The following ANKAR variants were observed in gnomAD, a reference collection of about 807,000 sequenced individuals.
The protein encoded by ANKAR is ankyrin and armadillo repeat-containing protein.
ANKAR carries 136 observed loss-of-function variants against 146.2 expected under a neutral mutation model. The observed-to-expected ratio is 0.93, with a 90% CI of 0.81 to 1.07. ANKAR has a LOEUF of 1.07. Among genes scored for constraint, ANKAR ranks in the 50% least tolerant of loss-of-function variants. The probability of loss-of-function intolerance (pLI) is 0.00; values close to 1 mark genes in which losing one functional copy is unlikely to be tolerated. For synonymous variants in ANKAR, 500 were observed against 575.8 expected, an observed-to-expected ratio of 0.87 and a Z score of 1.88; for missense variants, 1,567 against 1,679.9, an observed-to-expected ratio of 0.93 and a Z score of 1.18.
Position 189,730,495 on chromosome 2 carries a change from G to T in ANKAR, c.3194G>T (p.Gly1065Val). ...ACCTCACTGGCGTGGACTCTTACAG[G>T]TGTAGCCCATACAAGCAATCCTGTC... ...VIRAVGSICI[G>V]VAHTSNPVSQ... The change falls in exon 16 of 23, where the codon GGT (glycine) becomes GTT (valine). Residue 1065 changes from glycine (G) to valine (V), a missense_variant and splice_region_variant. Coordinates refer to ENST00000684021, the MANE Select transcript of ANKAR (RefSeq NM_001378068.1). 1 of 1,584,506 alleles carries T rather than the reference G, an allele frequency of 6.3e-7. No individual in the cohort carries two copies. The highest frequency in any genetic ancestry group is 8.6e-7 in the Non-Finnish European group (1 of 1,158,696).
chr2:189,725,319 T>C (rs1200915530), intron 12 of ANKAR, among the ~76,000 whole-genome samples: 6 of 141,022 alleles, frequency 4.3e-5, no homozygotes, highest in South Asian at 4.6e-4. Context: ...CACACACATA[T>C]ATATGATCCA....
At chr2:189,760,015 C>T (rs565980858) in intron 18 of ANKAR, among the ~76,000 whole-genome samples, 39 of 152,102 alleles carry the variant, frequency 2.6e-4, no homozygotes, top group Admixed American at 1.4e-3. Context: ...CTTGCACCGC[C>T]CTTAATCCAT....
intron 4 of ANKAR, 128 bp from the exon 5 acceptor site, chr2:189,692,946 A>C (rs955926554): frequency 4.0e-6 from 2 of 494,678 alleles, no homozygotes; most frequent in Admixed American, 4.2e-5. Flanking sequence ...TTCAGCTGCT[A>C]TCCGGGTCTT....
intron 18 of ANKAR, among the ~76,000 whole-genome samples, chr2:189,756,522 T>A (rs1198659866): frequency 2.6e-5 from 4 of 152,222 alleles, no homozygotes; most frequent in African/African-American, 9.6e-5. Flanking sequence ...AATTAAAATA[T>A]TGTTTCAGGC....
intron 15 of ANKAR, among the ~76,000 whole-genome samples, chr2:189,729,989 A>AG (rs1484070221): frequency 6.6e-6 from 1 of 152,076 alleles, no homozygotes; most frequent in Non-Finnish European, 1.5e-5. Flanking sequence ...GAAAAAAAAA[A>AG]AGAGAGAGTT....
chr2:189,710,506 A>T (rs2039541074), intron 9 of ANKAR, among the ~76,000 whole-genome samples: 2 of 152,234 alleles, frequency 1.3e-5, no homozygotes, highest in Admixed American at 6.5e-5. Context: ...CAGACCAAAG[A>T]TTAAAAATTT....
chr2:189,761,311 A>C (rs1299907510), downstream of ANKAR: 26 of 1,204,692 alleles, frequency 2.2e-5, no homozygotes, highest in Non-Finnish European at 1.6e-5. Context: ...AAGTGTTTGC[A>C]AAAAGGAATA....
Position 189,737,706 on chromosome 2 carries a change from T to C in ANKAR, c.3447T>C (p.Tyr1149=). 1.3e-6 allele frequency: 2 copies of C among 1,595,962 alleles called. No homozygotes were observed. Among genetic ancestry groups the C allele is most frequent in the Non-Finnish European group, 1.7e-6 (2 of 1,175,490 alleles). The change falls in exon 18 of 23, where the codon TAT becomes TAC. Residue 1149 remains tyrosine (Y), a synonymous_variant. Coordinates refer to ENST00000684021, the MANE Select transcript of ANKAR (RefSeq NM_001378068.1). ...TEKDICLRAG[Y]ALTLFAFNNR... ...AGGATATTTGCTTAAGAGCAGGCTA[T>C]GCATTAACACTTTTTGCCTTCAATA... is the stretch of plus-strand genomic sequence containing the variant.
chr2:189,725,256 C>T (rs1450757063), intron 12 of ANKAR, among the ~76,000 whole-genome samples: 1 of 146,036 alleles, frequency 6.8e-6, no homozygotes, highest in Non-Finnish European at 1.5e-5. Flanking sequence ...TATATGTATA[C>T]ATATTTTATA....
At chr2:189,750,812 C>T (rs1256275379), downstream of ANKAR, among the ~76,000 whole-genome samples, 1 of 151,992 alleles carries the variant, frequency 6.6e-6, no homozygotes, top group Non-Finnish European at 1.5e-5. Context: ...TATACTGGGA[C>T]CTCAAGTCAG....
At chr2:189,762,583 T>G (rs2047273385), downstream of ANKAR, 3 of 985,312 alleles carry the variant, frequency 3.0e-6, no homozygotes, top group South Asian at 1.4e-4. Context: ...TGGGTAGCGC[T>G]GGTCTCCTGT....
In ANKAR at chr2:189,737,708, C is replaced by A. The variant is rs772619713; in HGVS notation, c.3449C>A (p.Ala1150Glu). ...GATATTTGCTTAAGAGCAGGCTATG[C>A]ATTAACACTTTTTGCCTTCAATAAT... ...EKDICLRAGY[A>E]LTLFAFNNRF... Residue 1150 changes from alanine to glutamate, a missense_variant, in exon 18 of 23, where the codon GCA (alanine) becomes GAA (glutamate). Ala to Glu is a moderately radical substitution (Grantham distance 107). Transcript: ENST00000684021. The A allele has an allele frequency of 6.3e-7, 1 of 1,597,118 alleles. No individual in the cohort carries two copies. Among genetic ancestry groups the A allele is most frequent in the African/African-American group, 1.4e-5 (1 of 73,982 alleles).
intron 10 of ANKAR, 66 bp downstream of exon 10, chr2:189,711,219 C>T: frequency 8.4e-7 from 1 of 1,192,874 alleles, no homozygotes; most frequent in Non-Finnish European, 1.2e-6. Context: ...ATTCATCAGT[C>T]ATTTTTAAAT....
intron 7 of ANKAR, among the ~76,000 whole-genome samples, chr2:189,697,437 A>G (rs1012047746): frequency 1.3e-5 from 2 of 152,142 alleles, no homozygotes; most frequent in African/African-American, 4.8e-5. Flanking sequence ...GAAGTCAGCT[A>G]TCTTAATAAG....
downstream of ANKAR, among the ~76,000 whole-genome samples, chr2:189,749,829 A>G (rs1451929972): frequency 1.3e-5 from 2 of 152,224 alleles, no homozygotes; most frequent in African/African-American, 2.4e-5. Context: ...CTGCTTTGAC[A>G]TGACTGATCT....
chr2:189,687,177 A>T lies in ANKAR; in HGVS notation c.602-2350A>T, dbSNP rs186677826. Among the ~76,000 whole-genome samples, 81 of 152,210 alleles carry T rather than the reference A, an allele frequency of 5.3e-4. 1 individual carries two copies. The highest frequency in any genetic ancestry group is 3.5e-3 in the Admixed American group (54 of 15,278). On this transcript the variant is annotated intron_variant, in intron 2 of 22. Transcript: ENST00000684021. ...TAACCATCTCTATTTCCATGAGGTC[A>T]ATTGTTTTAATTTTTAGTTCCCACA...
chr2:189,728,489 G>A, intron 14 of ANKAR, 69 bp downstream of exon 14: 1 of 1,507,350 alleles, frequency 6.6e-7, no homozygotes, highest in South Asian at 1.3e-5. Context: ...CCAGCCTGGT[G>A]TGCAGTGGCA....
rs375222118 is a variant in ANKAR, at chr2:189,720,846, T to C, written c.2635+59T>C. ...CCAGATATATTAAGTGAAGCAAACA[T>C]GGGATTGGACTTGTCCTATATGAAT... On this transcript the variant is annotated intron_variant, in intron 12 of 22. Coordinates refer to ENST00000684021, the MANE Select transcript of ANKAR (RefSeq NM_001378068.1). 14 of 1,329,842 alleles carry C rather than the reference T, an allele frequency of 1.1e-5. No homozygotes were observed. The African/African-American group carries it at 2.0e-4, about 19-fold the overall frequency. 82.4% of individuals were successfully genotyped at this position (1,329,842 alleles called of 1,614,324 possible).
intron 17 of ANKAR, among the ~76,000 whole-genome samples, chr2:189,737,177 A>G (rs990289244): frequency 6.6e-6 from 1 of 151,776 alleles, no homozygotes; most frequent in Admixed American, 6.6e-5. Flanking sequence ...ATAATACAAT[A>G]TATTGAATTA....
Sources: gnomAD v4.1 joint callset for allele counts (sites outside exome capture counted in the v4.1 genomes callset) on GRCh38, gnomAD v4.1.1 for gene constraint, MANE v1.5 for transcripts, NCBI Gene and HGNC (gene_info 2026-07-23, HGNC 2026-07-21) for gene names.